MACROD2: variants seen among roughly 807,000 people sequenced by gnomAD.
MACROD2 encodes the protein ADP-ribose glycohydrolase MACROD2.
In MACROD2, 36 loss-of-function variants were observed where a neutral mutation model predicts 70.4. The ratio of observed to expected loss-of-function variants is 0.51; its 90% CI spans 0.39 to 0.68. The LOEUF (loss-of-function observed/expected upper bound fraction) is 0.68, where lower values mean the gene tolerates loss of function less well. Among genes scored for constraint, MACROD2 ranks in the 30% least tolerant of loss-of-function variants. The pLI, the probability that MACROD2 is intolerant of heterozygous loss-of-function variation, is 0.00. For missense variants in MACROD2, 496 were observed against 538.4 expected, an observed-to-expected ratio of 0.92 and a Z score of 0.78; for synonymous variants, 172 against 178.8, an observed-to-expected ratio of 0.96 and a Z score of 0.30.
intron 5 of MACROD2, among the ~76,000 whole-genome samples, chr20:14,760,726 A>G (rs2072004816): frequency 6.6e-6 from 1 of 152,044 alleles, no homozygotes; most frequent in South Asian, 2.1e-4. Context: ...TATGCCCTTT[A>G]ATTACTCTGC....
intron 12 of MACROD2, among the ~76,000 whole-genome samples, chr20:15,944,058 A>G (rs2065787093): frequency 6.6e-6 from 1 of 152,082 alleles, no homozygotes; most frequent in Non-Finnish European, 1.5e-5. Flanking sequence ...CACAATTTAC[A>G]TAGCCAGTGC....
At chr20:14,438,545 C>A (rs1448699496) in intron 3 of MACROD2, among the ~76,000 whole-genome samples, 1 of 152,158 alleles carries the variant, frequency 6.6e-6, no homozygotes, top group Non-Finnish European at 1.5e-5. Flanking sequence ...TACAAAGGTT[C>A]TCTTTTCTCC....
intron 3 of MACROD2, among the ~76,000 whole-genome samples, chr20:14,146,703 A>G (rs981713595): frequency 2.0e-5 from 3 of 152,206 alleles, no homozygotes; most frequent in African/African-American, 7.2e-5. Context: ...GATTGATGCT[A>G]AAAGATGGAT....
chr20:16,033,897 G>C (rs569441257), intron 15 of MACROD2, among the ~76,000 whole-genome samples: 1 of 151,830 alleles, frequency 6.6e-6, no homozygotes, highest in Non-Finnish European at 1.5e-5. Context: ...CACAGAGAGA[G>C]AAAAAATCAA....
At chr20:14,603,850 A>T (rs953875876) in intron 4 of MACROD2, among the ~76,000 whole-genome samples, 4 of 152,242 alleles carry the variant, frequency 2.6e-5, no homozygotes, top group African/African-American at 9.6e-5. Context: ...TATTATTCTT[A>T]TTTAAAATCT....
intron 7 of MACROD2, among the ~76,000 whole-genome samples, chr20:15,433,351 A>C (rs1162266215): frequency 2.6e-5 from 4 of 151,258 alleles, no homozygotes; most frequent in African/African-American, 9.7e-5. Context: ...GAATTCAGGA[A>C]TGTCTCAGGA....
intron 10 of MACROD2, among the ~76,000 whole-genome samples, chr20:15,899,298 A>G (rs921829839): frequency 6.6e-6 from 1 of 152,068 alleles, no homozygotes; most frequent in Non-Finnish European, 1.5e-5. Flanking sequence ...ATATACACAT[A>G]TGTGTGTACA....
chr20:14,871,048 T>C (rs534078231), intron 5 of MACROD2, among the ~76,000 whole-genome samples: 1 of 152,160 alleles, frequency 6.6e-6, no homozygotes, highest in South Asian at 2.1e-4. Flanking sequence ...ATGGTACTGG[T>C]ATACTTGAAA....
intron 6 of MACROD2, among the ~76,000 whole-genome samples, chr20:15,371,580 G>T (rs556765194): frequency 6.6e-6 from 1 of 152,182 alleles, no homozygotes; most frequent in African/African-American, 2.4e-5. Context: ...CTCTAACAAG[G>T]GAATCCTAAC....
In MACROD2 at chr20:14,956,247, A is replaced by C. The variant is rs748290160; in HGVS notation, c.418+271288A>C. On this transcript the variant is annotated intron_variant, in intron 5 of 17. Transcript: ENST00000684519. ...AACATGGCAGGTGGTGACGAACTGC[A>C]GCTTATGACATCTCTTGCAATGTAA... 4.1e-4 allele frequency among the ~76,000 whole-genome samples: 62 copies of C among 152,172 alleles called. 1 individual carries two copies. Among genetic ancestry groups the C allele is most frequent in the Admixed American group, 2.6e-3 (40 of 15,274 alleles).
intron 4 of MACROD2, among the ~76,000 whole-genome samples, chr20:14,616,476 T>C (rs1289238131): frequency 6.6e-6 from 1 of 152,140 alleles, no homozygotes; most frequent in African/African-American, 2.4e-5. Context: ...TTTTGGTGAA[T>C]AATATTATTT....
At chr20:15,630,266 C>A (rs1024824907) in intron 8 of MACROD2, among the ~76,000 whole-genome samples, 1 of 152,172 alleles carries the variant, frequency 6.6e-6, no homozygotes, top group Admixed American at 6.5e-5. Flanking sequence ...AAGATGATAT[C>A]GCAAGAGATA....
intron 5 of MACROD2, among the ~76,000 whole-genome samples, chr20:14,862,055 A>T (rs1163540777): frequency 5.4e-4 from 1 of 1,840 alleles, no homozygotes; most frequent in African/African-American, 2.0e-3. Flanking sequence ...ATATATTTAT[A>T]TATATATAAA....
chr20:14,633,610 C>G (rs1984630439), intron 4 of MACROD2, among the ~76,000 whole-genome samples: 1 of 152,134 alleles, frequency 6.6e-6, no homozygotes, highest in African/African-American at 2.4e-5. Flanking sequence ...CCTGAGGTAG[C>G]AACTCCTCTT....
chr20:14,677,092 T>G (rs532076224), intron 4 of MACROD2, among the ~76,000 whole-genome samples: 1 of 152,304 alleles, frequency 6.6e-6, no homozygotes, highest in Admixed American at 6.5e-5. Context: ...AGCTTGTTTT[T>G]TCTCTTTTCA....
At chr20:15,220,042 G>A (rs904070342) in intron 5 of MACROD2, among the ~76,000 whole-genome samples, 4 of 129,500 alleles carry the variant, frequency 3.1e-5, no homozygotes, top group Admixed American at 8.6e-5. Flanking sequence ...CATAGCTTTT[G>A]TTAAAGAGTG....
At chr20:15,854,141 A>G (rs1481380784) in intron 8 of MACROD2, among the ~76,000 whole-genome samples, 1 of 152,190 alleles carries the variant, frequency 6.6e-6, no homozygotes, top group South Asian at 2.1e-4. Context: ...GATTAGGAAA[A>G]GAGATTTCCA....
intron 8 of MACROD2, among the ~76,000 whole-genome samples, chr20:15,592,054 A>C (rs1208892972): frequency 6.6e-6 from 1 of 152,102 alleles, no homozygotes; most frequent in Non-Finnish European, 1.5e-5. Flanking sequence ...CAAGTGTAAG[A>C]CCTCTCACGT....
At chr20:14,429,140 T>A (rs916349317) in intron 3 of MACROD2, among the ~76,000 whole-genome samples, 19 of 152,212 alleles carry the variant, frequency 1.2e-4, no homozygotes, top group Admixed American at 5.2e-4. Context: ...AAGCACCTGA[T>A]GATATTTAAA....
Sources: allele counts gnomAD v4.1 joint callset (sites outside exome capture counted in the v4.1 genomes callset), GRCh38; gene constraint gnomAD v4.1.1; transcripts MANE v1.5; gene names NCBI Gene and HGNC (gene_info 2026-07-23, HGNC 2026-07-21).